Variants in HTR4 observed in about 807,000 individuals in gnomAD.
HTR4 encodes the protein 5-hydroxytryptamine receptor 4.
In HTR4, 16 loss-of-function variants were observed where a neutral mutation model predicts 36.8. The ratio of observed to expected loss-of-function variants is 0.43; its 90% CI spans 0.29 to 0.66. The LOEUF (loss-of-function observed/expected upper bound fraction) is 0.66, where lower values mean the gene tolerates loss of function less well. Among genes scored for constraint, HTR4 ranks in the 30% least tolerant of loss-of-function variants. HTR4 has a pLI of 0.13. For missense variants in HTR4, 438 were observed against 490.9 expected, an observed-to-expected ratio of 0.89 and a Z score of 1.02; for synonymous variants, 189 against 185.1, an observed-to-expected ratio of 1.02 and a Z score of -0.17.
intron 4 of HTR4, among the ~76,000 whole-genome samples, chr5:148,546,542 T>G (rs1759391899): frequency 6.6e-6 from 1 of 152,212 alleles, no homozygotes; most frequent in Admixed American, 6.5e-5. Context: ...GGCATAAATC[T>G]GAAGCCAAAC....
chr5:148,516,274 T>C (rs1044289355), intron 5 of HTR4, among the ~76,000 whole-genome samples: 1 of 151,256 alleles, frequency 6.6e-6, no homozygotes, highest in Non-Finnish European at 1.5e-5. Flanking sequence ...TATTTCAGTG[T>C]ATTTATTAGT....
chr5:148,456,331 T>TCA (rs1178165035), intron 5 of HTR4, among the ~76,000 whole-genome samples: 1 of 152,204 alleles, frequency 6.6e-6, no homozygotes, highest in Non-Finnish European at 1.5e-5. Context: ...AATTCAGAGC[T>TCA]CACAGTTGCG....
chr5:148,648,388 C>A (rs1464244427), intron 1 of HTR4, among the ~76,000 whole-genome samples: 2 of 152,070 alleles, frequency 1.3e-5, no homozygotes, highest in African/African-American at 4.8e-5. Flanking sequence ...GACACAGAAA[C>A]CAGGTGGACA....
At chr5:148,596,909 A>T (rs1284738350) in intron 2 of HTR4, among the ~76,000 whole-genome samples, 3 of 152,196 alleles carry the variant, frequency 2.0e-5, no homozygotes, top group Non-Finnish European at 2.9e-5. Context: ...TAATAGCCTT[A>T]TGAAATAAGC....
chr5:148,456,455 G>A (rs1401421586), intron 5 of HTR4, among the ~76,000 whole-genome samples: 1 of 152,014 alleles, frequency 6.6e-6, no homozygotes, highest in Non-Finnish European at 1.5e-5. Context: ...CCTCAATTTG[G>A]GAAATATTGA....
chr5:148,531,510 C>G (rs73268330), intron 4 of HTR4, among the ~76,000 whole-genome samples: 4,485 of 152,244 alleles, frequency 0.029, 198 homozygotes, highest in African/African-American at 0.1. Flanking sequence ...GTCCATTAAA[C>G]CTCTTTCTTT....
chr5:148,530,392 G>C (rs1581431738), intron 4 of HTR4, among the ~76,000 whole-genome samples: 1 of 152,276 alleles, frequency 6.6e-6, no homozygotes, highest in East Asian at 1.9e-4. Context: ...GTGTGTCCCA[G>C]CTACTCCAGG....
intron 4 of HTR4, among the ~76,000 whole-genome samples, chr5:148,541,951 C>T (rs1759136563): frequency 6.6e-6 from 1 of 151,976 alleles, no homozygotes; most frequent in South Asian, 2.1e-4. Flanking sequence ...TAGCAGACTC[C>T]AATAGCTTTT....
At position 148,509,541 on chromosome 5, in the gene HTR4, C is replaced by A. The variant is rs1027249768; in HGVS notation, c.991G>T (p.Asp331Tyr). The A allele has an allele frequency of 1.9e-6, 3 of 1,613,928 alleles. No homozygotes were observed. Among genetic ancestry groups the A allele is most frequent in the African/African-American group, 2.7e-5 (2 of 74,914 alleles). ...RAFLIILCCD[D>Y]ERYRRPSILG... ...ATGGAAGGTCTTCGGTAGCGCTCAT[C>A]ATCACAGCAGAGGATGATGAGGAAG... Residue 331 changes from aspartate (D) to tyrosine (Y), a missense_variant, in exon 6 of 7, where the codon GAT becomes TAT. Asp to Tyr is a radical substitution (Grantham distance 160, BLOSUM62 -3). Coordinates refer to ENST00000377888, the MANE Select transcript of HTR4 (RefSeq NM_000870.7).
intron 5 of HTR4, among the ~76,000 whole-genome samples, chr5:148,511,617 GTT>G (rs955614454): frequency 1.4e-4 from 20 of 143,332 alleles, no homozygotes; most frequent in African/African-American, 5.3e-4. Flanking sequence ...TCTTGTGGAA[GTT>G]TGTGTGTGTG....
At chr5:148,554,853 T>C (rs561205504) in intron 2 of HTR4, among the ~76,000 whole-genome samples, 1 of 152,230 alleles carries the variant, frequency 6.6e-6, no homozygotes, top group South Asian at 2.1e-4. Context: ...TTTGTGTCTG[T>C]AATGTACTCA....
Position 148,483,076 on chromosome 5 carries a change from T to C in HTR4, c.*127A>G, listed in dbSNP as rs1755965645. 1 of 1,503,468 alleles carries C rather than the reference T, an allele frequency of 6.7e-7. No homozygotes were observed. The highest frequency in any genetic ancestry group is 8.9e-7 in the Non-Finnish European group (1 of 1,120,250). 93.1% of individuals were successfully genotyped at this position (1,503,468 alleles called of 1,614,324 possible). A position where few individuals can be genotyped will look rare whatever the true frequency, so the allele number is the denominator to read the frequency against. On this transcript the variant is annotated 3_prime_UTR_variant, in exon 7 of 7. Coordinates refer to ENST00000377888, the MANE Select transcript of HTR4 (RefSeq NM_000870.7). ...GAGGAAAAGCCCAGCGAGCACCGGG[T>C]TCCTGCACTGGCGGACGGAAAGCCT...
chr5:148,644,216 A>G (rs893338233), intron 1 of HTR4, among the ~76,000 whole-genome samples: 1 of 152,158 alleles, frequency 6.6e-6, no homozygotes, highest in Non-Finnish European at 1.5e-5. Flanking sequence ...CGGGGAAAGA[A>G]TATGTTCTTA....
intron 5 of HTR4, among the ~76,000 whole-genome samples, chr5:148,452,413 C>A (rs1413869977): frequency 5.3e-5 from 8 of 152,262 alleles, no homozygotes; most frequent in Middle Eastern, 3.4e-3. Flanking sequence ...TGGTTCTCAG[C>A]AGAGAGCATT....
At chr5:148,620,258 C>G (rs532931726) in intron 2 of HTR4, among the ~76,000 whole-genome samples, 2 of 152,332 alleles carry the variant, frequency 1.3e-5, no homozygotes, top group South Asian at 4.1e-4. Flanking sequence ...AGAAACTGAT[C>G]AGTCTGTAAT....
In HTR4 at chr5:148,550,206, G is replaced by A. The variant is rs1015629322; in HGVS notation, c.83C>T (p.Thr28Met). ...EKVVLLTFLS[T>M]VILMAILGNL... ...CCCCAAGATGGCCATCAGGATAACCGTCGAGAGAAACGTGAGCAGCACCAC... is the reference window on the plus strand; with the variant it reads ...CCCCAAGATGGCCATCAGGATAACCATCGAGAGAAACGTGAGCAGCACCAC... The change falls in exon 3 of 7, where the codon ACG becomes ATG. Residue 28 changes from threonine to methionine, a missense_variant. Physicochemically the swap from Thr to Met is moderately conservative, Grantham distance 81. Coordinates refer to ENST00000377888, the MANE Select transcript of HTR4 (RefSeq NM_000870.7). 7.4e-6 allele frequency: 12 copies of A among 1,614,028 alleles called. No homozygotes were observed. The Admixed American group carries it at 8.3e-5, about 11-fold the overall frequency.
intron 4 of HTR4, among the ~76,000 whole-genome samples, chr5:148,527,166 C>A (rs1189238100): frequency 6.6e-6 from 1 of 152,038 alleles, no homozygotes; most frequent in Non-Finnish European, 1.5e-5. Flanking sequence ...CTATTATGTA[C>A]CCATAAAATT....
chr5:148,460,248 A>G (rs937568562), intron 5 of HTR4, among the ~76,000 whole-genome samples: 1 of 152,114 alleles, frequency 6.6e-6, no homozygotes, highest in Non-Finnish European at 1.5e-5. Flanking sequence ...ATCATGGAGA[A>G]TTTCCCTGCA....
At chr5:148,465,450 A>G (rs1033092083) in intron 5 of HTR4, among the ~76,000 whole-genome samples, 6 of 152,138 alleles carry the variant, frequency 3.9e-5, no homozygotes, top group Non-Finnish European at 7.4e-5. Flanking sequence ...GTCACGATCA[A>G]TTGTTTAAGA....
Sources: allele counts gnomAD v4.1 joint callset (sites outside exome capture counted in the v4.1 genomes callset), GRCh38; gene constraint gnomAD v4.1.1; transcripts MANE v1.5; gene names NCBI Gene and HGNC (gene_info 2026-07-23, HGNC 2026-07-21).